The following RALGPS1 variants were observed in gnomAD, a reference collection of about 807,000 sequenced individuals.
The protein encoded by RALGPS1 is Ral GEF with PH domain and SH3 binding motif 1.
RALGPS1 carries 19 observed loss-of-function variants against 78.8 expected under a neutral mutation model. The observed-to-expected ratio is 0.24, with a 90% confidence interval of 0.17 to 0.35. The LOEUF (loss-of-function observed/expected upper bound fraction) is 0.35. Among genes scored for constraint, RALGPS1 ranks in the 10% least tolerant of loss-of-function variants. The pLI is 1.00. For missense variants in RALGPS1, 454 were observed against 688.3 expected (o/e 0.66, Z 3.81); for synonymous variants, 228 against 256.3 (o/e 0.89, Z 1.06).
At chr9:127,142,439 ACT>A (rs2057843855) in intron 8 of RALGPS1, among the ~76,000 whole-genome samples, 1 of 151,994 alleles carries the variant, frequency 6.6e-6, no homozygotes, top group Non-Finnish European at 1.5e-5. Context: ...GATGAAGAGG[ACT>A]CTGGAGGCAG....
chr9:127,049,210 C>T (rs2048077490), intron 5 of RALGPS1, among the ~76,000 whole-genome samples: 2 of 152,176 alleles, frequency 1.3e-5, no homozygotes, highest in South Asian at 4.1e-4. Flanking sequence ...ACTGTTGTTA[C>T]AGAAGTGAAA....
At chr9:127,117,735 A>G (rs1232976153) in intron 8 of RALGPS1, among the ~76,000 whole-genome samples, 1 of 152,216 alleles carries the variant, frequency 6.6e-6, no homozygotes, top group African/African-American at 2.4e-5. Flanking sequence ...TATCTTTTCT[A>G]CCTGGCCCTG....
intron 5 of RALGPS1, among the ~76,000 whole-genome samples, chr9:127,043,942 G>A (rs898249769): frequency 3.3e-5 from 5 of 152,166 alleles, no homozygotes; most frequent in South Asian, 2.1e-4. Flanking sequence ...ACCAATTGCC[G>A]TCAAAGATCT....
At chr9:127,167,201 G>A (rs2059337438) in intron 9 of RALGPS1, among the ~76,000 whole-genome samples, 1 of 152,212 alleles carries the variant, frequency 6.6e-6, no homozygotes, top group Non-Finnish European at 1.5e-5. Context: ...GAATGTCACA[G>A]GGAAGCCAGG....
chr9:127,048,676 A>G (rs1399269293), intron 5 of RALGPS1, among the ~76,000 whole-genome samples: 1 of 152,256 alleles, frequency 6.6e-6, no homozygotes, highest in Admixed American at 6.5e-5. Context: ...TAAATTGTAC[A>G]TGTAAACTAT....
chr9:127,159,492 G>A (rs2058896324), intron 8 of RALGPS1, among the ~76,000 whole-genome samples: 1 of 152,212 alleles, frequency 6.6e-6, no homozygotes. Flanking sequence ...CCATGTGACT[G>A]CCTGCGCCTG....
chr9:126,974,353 T>C (rs953216330), intron 3 of RALGPS1, among the ~76,000 whole-genome samples: 1 of 152,190 alleles, frequency 6.6e-6, no homozygotes, highest in African/African-American at 2.4e-5. Flanking sequence ...TGGAGCTGAT[T>C]ACTCTGTTCT....
chr9:127,207,779 A>T (rs2062013944), intron 14 of RALGPS1, among the ~76,000 whole-genome samples: 1 of 152,038 alleles, frequency 6.6e-6, no homozygotes, highest in Non-Finnish European at 1.5e-5. Context: ...CTTCCACCCT[A>T]ACTCTGTGTT....
At chr9:126,945,585 C>G (rs1369530136) in intron 1 of RALGPS1, among the ~76,000 whole-genome samples, 1 of 152,166 alleles carries the variant, frequency 6.6e-6, no homozygotes, top group Non-Finnish European at 1.5e-5. Context: ...CCTCAAAACC[C>G]CAGCTTCAAT....
intron 4 of RALGPS1, among the ~76,000 whole-genome samples, chr9:127,032,632 C>T (rs1029003800): frequency 6.6e-6 from 1 of 152,114 alleles, no homozygotes; most frequent in Non-Finnish European, 1.5e-5. Flanking sequence ...CAAAGTGATT[C>T]AAGTATGTGT....
intron 14 of RALGPS1, among the ~76,000 whole-genome samples, chr9:127,208,108 G>A (rs911483652): frequency 6.6e-5 from 10 of 152,196 alleles, no homozygotes; most frequent in Non-Finnish European, 1.0e-4. Context: ...GGCACGTGGC[G>A]TGCAGTTGAG....
chr9:127,175,558 G>A (rs535313499), intron 11 of RALGPS1, among the ~76,000 whole-genome samples: 31 of 151,956 alleles, frequency 2.0e-4, no homozygotes, highest in Non-Finnish European at 3.5e-4. Flanking sequence ...GGTCGGGGGC[G>A]TGGGGGGTCA....
At chr9:127,010,867 G>T (rs1341357714) in intron 4 of RALGPS1, among the ~76,000 whole-genome samples, 1 of 152,226 alleles carries the variant, frequency 6.6e-6, no homozygotes, top group Non-Finnish European at 1.5e-5. Context: ...TTCCCCTTAT[G>T]AGAGAGCTCA....
chr9:126,922,137 G>T (rs993100799), intron 1 of RALGPS1, among the ~76,000 whole-genome samples: 1 of 152,176 alleles, frequency 6.6e-6, no homozygotes, highest in African/African-American at 2.4e-5. Flanking sequence ...GCCCATTTAG[G>T]AACTGGGGGC....
At chr9:126,916,650 C>T (rs551468942) in intron 1 of RALGPS1, among the ~76,000 whole-genome samples, 19 of 152,122 alleles carry the variant, frequency 1.2e-4, no homozygotes, top group Non-Finnish European at 2.2e-4. Flanking sequence ...GGCATGGTGG[C>T]GGGCACCTGT....
chr9:126,986,924 TA>T (rs2041854206), intron 4 of RALGPS1, among the ~76,000 whole-genome samples: 1 of 152,204 alleles, frequency 6.6e-6, no homozygotes, highest in Admixed American at 6.5e-5. Flanking sequence ...GTGGAAGTCA[TA>T]GCTTTTACCT....
intron 4 of RALGPS1, among the ~76,000 whole-genome samples, chr9:126,993,774 C>T (rs1048928466): frequency 1.3e-5 from 2 of 152,058 alleles, no homozygotes; most frequent in African/African-American, 4.8e-5. Context: ...CTGGGAGGCA[C>T]CCCCAGTAGG....
chr9:127,054,443 C>T (rs1216213546), intron 7 of RALGPS1, among the ~76,000 whole-genome samples: 1 of 152,102 alleles, frequency 6.6e-6, no homozygotes, highest in Non-Finnish European at 1.5e-5. Flanking sequence ...TTGGTGGAGG[C>T]AGAGATAGTT....
At chr9:126,934,892 C>T (rs1280565130) in intron 1 of RALGPS1, among the ~76,000 whole-genome samples, 1 of 152,130 alleles carries the variant, frequency 6.6e-6, no homozygotes, top group Non-Finnish European at 1.5e-5. Context: ...TTGCTTCAGA[C>T]CCTTAATCAG....
Sources: gnomAD v4.1 joint callset for allele counts (sites outside exome capture counted in the v4.1 genomes callset) on GRCh38, gnomAD v4.1.1 for gene constraint, MANE v1.5 for transcripts, NCBI Gene and HGNC (gene_info 2026-07-23, HGNC 2026-07-21) for gene names.